Variants in IRF8 observed in about 807,000 individuals in gnomAD.
IRF8 encodes interferon regulatory factor 8.
A neutral mutation model predicts 48.7 loss-of-function variants in IRF8; 14 were observed. The ratio of observed to expected loss-of-function variants is 0.29; its 90% CI spans 0.19 to 0.45. The LOEUF is 0.45. Ranked by LOEUF, IRF8 falls within the 20% of genes least tolerant of loss-of-function variation. IRF8 has a pLI of 1.00. For synonymous variants in IRF8, 278 were observed against 227.3 expected (o/e 1.22, Z -2.01); for missense variants, 493 against 580.7 (o/e 0.85, Z 1.55).
chr16:85,915,558 A>C (rs1057255168), intron 6 of IRF8, among the ~76,000 whole-genome samples: 12 of 152,204 alleles, frequency 7.9e-5, no homozygotes, highest in Non-Finnish European at 1.8e-4. Context: ...TTCACAGATG[A>C]GGAGACTGAG....
At chr16:85,920,051 GGGAGTT>G in intron 7 of IRF8, 52 bp from the exon 8 acceptor site, 1 of 1,233,088 alleles carries the variant, frequency 8.1e-7, no homozygotes, top group Non-Finnish European at 1.2e-6. Context: ...CTGCTGCTGC[GGGAGTT>G]GGAGGTCATC....
At chr16:85,911,282 T>C (rs1194979205) in intron 3 of IRF8, among the ~76,000 whole-genome samples, 1 of 152,220 alleles carries the variant, frequency 6.6e-6, no homozygotes, top group Non-Finnish European at 1.5e-5. Context: ...TACAGACTCA[T>C]TTTGGATCTC....
At chr16:85,911,681 G>A in intron 4 of IRF8, 23 bp downstream of exon 4, 1 of 1,602,390 alleles carries the variant, frequency 6.2e-7, no homozygotes, top group Non-Finnish European at 8.5e-7. Flanking sequence ...AGCATTTCAG[G>A]GGTCTGGCCC....
intron 4 of IRF8, 21 bp from the exon 5 acceptor site, chr16:85,913,110 C>G: frequency 1.3e-6 from 2 of 1,588,478 alleles, no homozygotes; most frequent in Non-Finnish European, 1.7e-6. Flanking sequence ...CTGCCCTCCT[C>G]TCCCTCCCCT....
At position 85,913,268 on chromosome 16, in the gene IRF8, G is replaced by T. The variant is rs373607556; in HGVS notation, c.553+32G>T. The T allele has an allele frequency of 4.0e-6, 6 of 1,487,812 alleles. No individual in the cohort carries two copies. The African/African-American group carries it at 8.3e-5, about 21-fold the overall frequency. 92.2% of individuals were successfully genotyped at this position (1,487,812 alleles called of 1,614,324 possible). On this transcript the variant is annotated intron_variant, in intron 5 of 8. Coordinates refer to ENST00000268638, the MANE Select transcript of IRF8 (RefSeq NM_002163.4). ...GTGGGTGGCCTAGAATTGTCACCAG[G>T]CATGGCCTGAAGGGTTTACGGCATT...
At chr16:85,916,445 C>A (rs1023470854) in intron 6 of IRF8, among the ~76,000 whole-genome samples, 2 of 152,220 alleles carry the variant, frequency 1.3e-5, no homozygotes, top group Non-Finnish European at 2.9e-5. Context: ...CAGGCCCTTA[C>A]TGTTGCAGAA....
At chr16:85,909,656 C>T (rs546282590) in intron 3 of IRF8, 11 of 183,826 alleles carry the variant, frequency 6.0e-5, no homozygotes, top group South Asian at 1.1e-4. Flanking sequence ...TTGGGAACTC[C>T]GGGATGTGAT....
At chr16:85,916,280 G>T (rs1250327066) in intron 6 of IRF8, among the ~76,000 whole-genome samples, 3 of 152,352 alleles carry the variant, frequency 2.0e-5, no homozygotes, top group Non-Finnish European at 2.9e-5. Context: ...AGGTCATCCA[G>T]CTGGGCAGCA....
chr16:85,903,038 G>A lies in IRF8; in HGVS notation c.23G>A (p.Arg8Gln), dbSNP rs762945281. The A allele has an allele frequency of 1.7e-5, 27 of 1,614,056 alleles. No homozygotes were observed. Among genetic ancestry groups the A allele is most frequent in the African/African-American group, 2.7e-5 (2 of 74,928 alleles). MCDRNGGRRLRQWLIEQI... is the reference protein window; with the variant it reads MCDRNGGQRLRQWLIEQI... ...AGGATGTGTGACCGGAATGGTGGTC[G>A]GCGGCTTCGACAGTGGCTGATCGAG... Residue 8 changes from arginine to glutamine, a missense_variant, in exon 2 of 9, where the codon CGG becomes CAG. Physicochemically the swap from Arg to Gln is conservative, Grantham distance 43. This residue lies in a region of IRF8 where 54 missense variants were observed against 59.9 expected (regional missense o/e 0.90). Coordinates refer to ENST00000268638, the MANE Select transcript of IRF8 (RefSeq NM_002163.4).
At chr16:85,914,589 G>C (rs1905243205) in intron 6 of IRF8, 69 bp downstream of exon 6, 2 of 1,578,726 alleles carry the variant, frequency 1.3e-6, no homozygotes, top group South Asian at 2.2e-5. Flanking sequence ...AACCCAAGCA[G>C]GGTTGCGGGG....
intron 6 of IRF8, among the ~76,000 whole-genome samples, chr16:85,916,439 C>T (rs984677271): frequency 2.6e-5 from 4 of 152,164 alleles, no homozygotes; most frequent in African/African-American, 9.7e-5. Flanking sequence ...TCGCAGCAGG[C>T]CCTTACTGTT....
At chr16:85,914,314 G>A (rs1251792065) in intron 5 of IRF8, 159 bp from the exon 6 acceptor site, 21 of 772,788 alleles carry the variant, frequency 2.7e-5, no homozygotes, top group Non-Finnish European at 4.5e-5. Flanking sequence ...CTGCTCTGGT[G>A]GGGAAAAGCA....
Position 85,904,985 on chromosome 16 carries a change from A to G in IRF8, c.174+1796A>G, listed in dbSNP as rs375907616. Among the ~76,000 whole-genome samples, 11 of 152,082 alleles carry G rather than the reference A, an allele frequency of 7.2e-5. No individual in the cohort carries two copies. In the South Asian group the frequency reaches 2.1e-3, roughly 29 times the overall value. On this transcript the variant is annotated intron_variant, in intron 2 of 8. Transcript: ENST00000268638. ...CACTGTTGATGTCTGGGTCTGGGCA[A>G]TTCTTTGTTGTAAGGGTTCCCTATG...
At chr16:85,907,588 G>C (rs976834093) in intron 2 of IRF8, among the ~76,000 whole-genome samples, 1 of 152,150 alleles carries the variant, frequency 6.6e-6, no homozygotes, top group African/African-American at 2.4e-5. Flanking sequence ...TGAGGTAGGA[G>C]GATTCGCTTG....
At chr16:85,911,217 T>G (rs2292982) in intron 3 of IRF8, among the ~76,000 whole-genome samples, 62,428 of 152,148 alleles carry the variant, frequency 0.41, 13,741 homozygotes, top group African/African-American at 0.58. Flanking sequence ...AAATGCCCTG[T>G]CTTATAAATG....
In IRF8 at chr16:85,921,164, G is replaced by C; in HGVS notation, c.1163G>C (p.Gly388Ala). ...AEEAGKSCGA[G>A]SVMQAPEEPP... ...GAGGCTGGGAAGAGCTGTGGAGCCG[G>C]CTCTGTGATGCAGGCCCCCGAGGAG... The change falls in exon 9 of 9, where the codon GGC (glycine) becomes GCC (alanine). Residue 388 changes from glycine to alanine, a missense_variant. Transcript: ENST00000268638. 6.2e-7 allele frequency: 1 copy of C among 1,614,142 alleles called. No individual in the cohort carries two copies. The highest frequency in any genetic ancestry group is 1.3e-5 in the African/African-American group (1 of 75,064).
intron 6 of IRF8, among the ~76,000 whole-genome samples, chr16:85,914,722 CTG>C (rs1905248434): frequency 6.6e-6 from 1 of 151,620 alleles, no homozygotes; most frequent in Admixed American, 6.6e-5. Context: ...AAGTCTAGGC[CTG>C]GTTCTGAGGA....
At chr16:85,903,490 G>A (rs1904893872) in intron 2 of IRF8, 2 of 404,644 alleles carry the variant, frequency 4.9e-6, no homozygotes, top group Non-Finnish European at 4.6e-6. Flanking sequence ...AAAATACTTC[G>A]AGACCTTCAC....
At position 85,914,552 on chromosome 16, in the gene IRF8, G is replaced by T. The variant is rs373425544; in HGVS notation, c.601+32G>T. The T allele has an allele frequency of 2.2e-5, 36 of 1,613,362 alleles. No individual in the cohort carries two copies. The African/African-American group carries it at 4.3e-4, about 19-fold the overall frequency. ...GGTGGTCCGGGCTGAGAGGGGCGTGGGCACTGTTTGAAGACAAAGCCCAGA... is the reference window on the plus strand; with the variant it reads ...GGTGGTCCGGGCTGAGAGGGGCGTGTGCACTGTTTGAAGACAAAGCCCAGA... On this transcript the variant is annotated intron_variant, in intron 6 of 8. Transcript: ENST00000268638.
Sources: allele counts gnomAD v4.1 joint callset (sites outside exome capture counted in the v4.1 genomes callset), GRCh38; gene constraint gnomAD v4.1.1; regional missense constraint gnomAD v4.1.1; transcripts MANE v1.5; gene names NCBI Gene and HGNC (gene_info 2026-07-23, HGNC 2026-07-21).